Variants in EIF4G3 observed in about 807,000 individuals in gnomAD.
EIF4G3 encodes the protein eukaryotic translation initiation factor 4 gamma 3, also known as eIF-4-gamma 3.
In EIF4G3, 34 loss-of-function variants were observed where a neutral mutation model predicts 186.4. The observed-to-expected ratio is 0.18, with a 90% CI of 0.14 to 0.24. The LOEUF (loss-of-function observed/expected upper bound fraction) is 0.24. Ranked by LOEUF, EIF4G3 falls within the 10% of genes least tolerant of loss-of-function variation. The pLI is 1.00. For missense variants in EIF4G3, 1,536 were observed against 1,948.5 expected (o/e 0.79, Z 3.99); for synonymous variants, 673 against 679.5 (o/e 0.99, Z 0.15).
chr1:21,105,874 G>A (rs1287044358), intron 2 of EIF4G3, among the ~76,000 whole-genome samples: 1 of 152,088 alleles, frequency 6.6e-6, no homozygotes, highest in Admixed American at 6.6e-5. Context: ...GCCAGCCTGG[G>A]CAACTTGTCA....
At chr1:20,807,541 G>C (rs1020058697) in intron 36 of EIF4G3, 41 bp from the exon 37 acceptor site, 12 of 1,460,386 alleles carry the variant, frequency 8.2e-6, no homozygotes, top group African/African-American at 1.4e-5. Context: ...TTGGGACACT[G>C]TAGTTATGAG....
chr1:21,023,972 C>T (rs540883741), intron 4 of EIF4G3, among the ~76,000 whole-genome samples: 19 of 80,458 alleles, frequency 2.4e-4, no homozygotes, highest in Non-Finnish European at 4.1e-4. Flanking sequence ...AGGTGAGGAG[C>T]GTCTCTGCCC....
rs116377806 is a variant in EIF4G3 at position 20,975,309 on chromosome 1, A to T, written c.494-2210T>A. 9.4e-3 allele frequency among the ~76,000 whole-genome samples: 1,437 copies of T among 152,158 alleles called. 12 individuals carry two copies. Among genetic ancestry groups the T allele is most frequent in the Non-Finnish European group, 0.014 (929 of 67,988 alleles). Reference sequence around the variant, plus strand: ...TCAAATGCTGCCAGGCAAGCAACACAATCTGCTCACTTCACCATATTTTTT... The same window carrying T: ...TCAAATGCTGCCAGGCAAGCAACACTATCTGCTCACTTCACCATATTTTTT... On this transcript the variant is annotated intron_variant, in intron 10 of 36. Transcript: ENST00000602326.
intron 9 of EIF4G3, among the ~76,000 whole-genome samples, 191 bp from the exon 10 acceptor site, chr1:20,980,639 G>C (rs1371607494): frequency 1.3e-5 from 2 of 152,184 alleles, no homozygotes; most frequent in African/African-American, 4.8e-5. Flanking sequence ...CAATGAGAAT[G>C]AAGAGAAAGG....
At chr1:21,015,930 T>C (rs2088869745) in intron 4 of EIF4G3, among the ~76,000 whole-genome samples, 1 of 151,918 alleles carries the variant, frequency 6.6e-6, no homozygotes, top group Non-Finnish European at 1.5e-5. Context: ...ATTCTTCAAA[T>C]TGAGAAGAAA....
intron 14 of EIF4G3, among the ~76,000 whole-genome samples, chr1:20,939,377 CTT>C (rs774677912): frequency 6.6e-6 from 1 of 152,116 alleles, no homozygotes; most frequent in African/African-American, 2.4e-5. Flanking sequence ...AGTCTATACT[CTT>C]TGATTAAGGT....
intron 8 of EIF4G3, among the ~76,000 whole-genome samples, chr1:20,982,111 C>A (rs1045865464): frequency 6.6e-6 from 1 of 152,094 alleles, no homozygotes; most frequent in Non-Finnish European, 1.5e-5. Flanking sequence ...AAAGGTGGCA[C>A]AATCCCATAC....
intron 12 of EIF4G3, among the ~76,000 whole-genome samples, chr1:20,965,989 AACC>A (rs1431376315): frequency 6.6e-6 from 1 of 152,156 alleles, no homozygotes; most frequent in Non-Finnish European, 1.5e-5. Context: ...CAAAGTTTTA[AACC>A]TCTTCCCTGT....
intron 2 of EIF4G3, among the ~76,000 whole-genome samples, chr1:21,149,466 C>T (rs1021824105): frequency 6.6e-6 from 1 of 152,120 alleles, no homozygotes; most frequent in Admixed American, 6.6e-5. Flanking sequence ...GAATGAAGTA[C>T]TGTGTTACTG....
At position 20,923,283 on chromosome 1, in the gene EIF4G3, G is replaced by T. The variant is rs560445680; in HGVS notation, c.1663+18208C>A. 3.9e-5 allele frequency among the ~76,000 whole-genome samples: 6 copies of T among 152,194 alleles called. No individual in the cohort carries two copies. In the East Asian group the frequency reaches 1.2e-3, roughly 29 times the overall value. On this transcript the variant is annotated intron_variant, in intron 14 of 36. Transcript: ENST00000602326. The stretch of plus-strand genomic sequence containing the variant: ...TGGCAAAGTGACACTAAGTAGGTTT[G>T]CTCCAAAAAGTTCAGTGGAGGACAG...
chr1:20,902,306 C>T (rs1185315163), intron 15 of EIF4G3, among the ~76,000 whole-genome samples: 1 of 152,210 alleles, frequency 6.6e-6, no homozygotes, highest in East Asian at 1.9e-4. Context: ...TCGTGATCTG[C>T]CCTTCTTGGC....
chr1:21,136,395 T>C (rs2097247364), intron 2 of EIF4G3, among the ~76,000 whole-genome samples: 1 of 151,662 alleles, frequency 6.6e-6, no homozygotes, highest in Non-Finnish European at 1.5e-5. Flanking sequence ...TGGATGCCTG[T>C]AATCCCAGCT....
intron 4 of EIF4G3, among the ~76,000 whole-genome samples, chr1:21,020,643 G>A (rs555978784): frequency 7.2e-5 from 11 of 152,288 alleles, no homozygotes; most frequent in Middle Eastern, 3.4e-3. Context: ...CAGTGAATCA[G>A]AAGATACATA....
At chr1:20,947,391 A>C (rs1050338109) in intron 13 of EIF4G3, among the ~76,000 whole-genome samples, 1 of 151,906 alleles carries the variant, frequency 6.6e-6, no homozygotes, top group South Asian at 2.1e-4. Context: ...AAGAAAAAAA[A>C]CCATTTTCTC....
chr1:20,970,585 C>A (rs928162748), intron 11 of EIF4G3, among the ~76,000 whole-genome samples: 2 of 151,938 alleles, frequency 1.3e-5, no homozygotes, highest in African/African-American at 4.8e-5. Flanking sequence ...TGCACTCCAG[C>A]CTGGGCGACA....
chr1:20,903,050 C>T (rs537138681), intron 15 of EIF4G3, among the ~76,000 whole-genome samples: 2 of 152,318 alleles, frequency 1.3e-5, no homozygotes, highest in Admixed American at 6.5e-5. Context: ...AACTCTGGCC[C>T]GAGGGCCAAT....
rs547343788 is a variant in EIF4G3 at position 21,060,836 on chromosome 1, A to G, written c.-195-9842T>C. 3.7e-4 allele frequency among the ~76,000 whole-genome samples: 56 copies of G among 152,166 alleles called. No homozygotes were observed. In the South Asian group the frequency reaches 8.7e-3, roughly 24 times the overall value. ...TACTGCAATCATCTTGGCCACAACT[A>G]ATGGTGGCTTAGAACACGGTAGTAA... On this transcript the variant is annotated intron_variant, in intron 3 of 36. Coordinates refer to ENST00000602326, the MANE Select transcript of EIF4G3 (RefSeq NM_001391906.1).
At chr1:20,855,180 T>C in intron 25 of EIF4G3, 109 bp from the exon 26 acceptor site, 1 of 817,126 alleles carries the variant, frequency 1.2e-6, no homozygotes, top group Non-Finnish European at 1.9e-6. Flanking sequence ...GCAACAAAAA[T>C]TTGTTTGGAA....
chr1:20,884,734 T>A (rs1166012895), intron 19 of EIF4G3, among the ~76,000 whole-genome samples: 2 of 152,216 alleles, frequency 1.3e-5, no homozygotes, highest in African/African-American at 4.8e-5. Context: ...CAAGTACAGT[T>A]TGACAGCATG....
Sources: gnomAD v4.1 joint callset for allele counts (sites outside exome capture counted in the v4.1 genomes callset) on GRCh38, gnomAD v4.1.1 for gene constraint, MANE v1.5 for transcripts, NCBI Gene and HGNC (gene_info 2026-07-23, HGNC 2026-07-21) for gene names.